The following LYPD6 variants were observed in gnomAD, a reference collection of about 807,000 sequenced individuals.
LYPD6 encodes ly6/PLAUR domain-containing protein 6.
In LYPD6, 15 loss-of-function variants were observed where a neutral mutation model predicts 22.7. The ratio of observed to expected loss-of-function variants is 0.66; its 90% CI spans 0.44 to 1.02. LYPD6 has a LOEUF of 1.02. LYPD6 is among the 50% of genes least tolerant of loss of function. LYPD6 has a pLI of 0.00. For missense variants in LYPD6, 189 were observed against 208.4 expected (o/e 0.91, Z 0.57); for synonymous variants, 72 against 77.5 (o/e 0.93, Z 0.37).
At chr2:149,466,663 T>C (rs1681207233) in intron 3 of LYPD6, among the ~76,000 whole-genome samples, 2 of 152,218 alleles carry the variant, frequency 1.3e-5, no homozygotes, top group Non-Finnish European at 2.9e-5. Flanking sequence ...AGTAGTCATA[T>C]CAAGTTCACC....
downstream of LYPD6, among the ~76,000 whole-genome samples, chr2:149,475,757 A>C (rs970958652): frequency 6.6e-6 from 1 of 152,226 alleles, no homozygotes; most frequent in African/African-American, 2.4e-5. Flanking sequence ...TGATTTTTCT[A>C]TATGACTTTA....
At chr2:149,410,759 C>A (rs1285949252) in intron 1 of LYPD6, among the ~76,000 whole-genome samples, 2 of 152,288 alleles carry the variant, frequency 1.3e-5, no homozygotes, top group African/African-American at 4.8e-5. Context: ...TTCAATAAAT[C>A]TGTATTATGA....
chr2:149,369,283 AG>A (rs1261772077), intron 1 of LYPD6, among the ~76,000 whole-genome samples: 2 of 152,190 alleles, frequency 1.3e-5, no homozygotes, highest in Admixed American at 1.3e-4. Flanking sequence ...TTCTGGAACT[AG>A]GACCCAAAAA....
chr2:149,397,034 A>G (rs563644537), intron 1 of LYPD6, among the ~76,000 whole-genome samples: 1 of 152,264 alleles, frequency 6.6e-6, no homozygotes, highest in Non-Finnish European at 1.5e-5. Context: ...AATGCTATGC[A>G]AACAGTTGTT....
chr2:149,333,739 G>A (rs1002633004), intron 1 of LYPD6, among the ~76,000 whole-genome samples: 4 of 152,128 alleles, frequency 2.6e-5, no homozygotes, highest in Non-Finnish European at 5.9e-5. Context: ...GCTTGGGATG[G>A]GACCTTACAC....
At chr2:149,350,803 C>T (rs1017903112) in intron 1 of LYPD6, among the ~76,000 whole-genome samples, 2 of 152,156 alleles carry the variant, frequency 1.3e-5, no homozygotes, top group Admixed American at 6.5e-5. Context: ...AGTGACTGCC[C>T]AGCCAAAGCT....
intron 1 of LYPD6, among the ~76,000 whole-genome samples, chr2:149,364,401 T>C (rs1022524973): frequency 2.0e-5 from 3 of 152,324 alleles, no homozygotes; most frequent in South Asian, 2.1e-4. Context: ...CCTGAATTCA[T>C]TGGCAAATTC....
At chr2:149,381,962 T>C (rs963365678) in intron 1 of LYPD6, among the ~76,000 whole-genome samples, 1 of 152,204 alleles carries the variant, frequency 6.6e-6, no homozygotes, top group Non-Finnish European at 1.5e-5. Flanking sequence ...TTTCCCCTTA[T>C]GTGTTTTATT....
intron 1 of LYPD6, among the ~76,000 whole-genome samples, chr2:149,377,630 G>A (rs550481473): frequency 5.2e-4 from 79 of 152,230 alleles, no homozygotes; most frequent in African/African-American, 1.8e-3. Context: ...AAATACAAAA[G>A]TTAGCCCGGT....
At chr2:149,432,711 T>C (rs1683343571) in intron 1 of LYPD6, among the ~76,000 whole-genome samples, 1 of 152,188 alleles carries the variant, frequency 6.6e-6, no homozygotes, top group African/African-American at 2.4e-5. Flanking sequence ...TATTTCCATC[T>C]CTCTTTTCCC....
At chr2:149,404,999 T>C (rs1682663227) in intron 1 of LYPD6, among the ~76,000 whole-genome samples, 1 of 152,196 alleles carries the variant, frequency 6.6e-6, no homozygotes, top group Non-Finnish European at 1.5e-5. Flanking sequence ...AATCATGTGG[T>C]TTTTGTCTTT....
chr2:149,454,273 C>A (rs1680902849), intron 3 of LYPD6, among the ~76,000 whole-genome samples: 1 of 152,166 alleles, frequency 6.6e-6, no homozygotes, highest in Admixed American at 6.5e-5. Flanking sequence ...AGCAATAGAA[C>A]CCCAGAGGCT....
intron 1 of LYPD6, among the ~76,000 whole-genome samples, chr2:149,385,169 T>C (rs1301901471): frequency 1.3e-5 from 2 of 152,160 alleles, no homozygotes; most frequent in Admixed American, 6.6e-5. Context: ...AGGAAAGTTA[T>C]GAAGCTCTAG....
chr2:149,397,999 G>GA (rs1049257439), intron 1 of LYPD6, among the ~76,000 whole-genome samples: 6 of 151,674 alleles, frequency 4.0e-5, no homozygotes, highest in East Asian at 1.9e-4. Flanking sequence ...ACTCCATTAA[G>GA]AAAAAAAACA....
intron 1 of LYPD6, among the ~76,000 whole-genome samples, chr2:149,419,559 A>G (rs1314959740): frequency 2.0e-5 from 3 of 152,188 alleles, no homozygotes; most frequent in Non-Finnish European, 4.4e-5. Flanking sequence ...ATTGACATAG[A>G]ACATTTCCGT....
chr2:149,393,427 G>T (rs1682358699), intron 1 of LYPD6, among the ~76,000 whole-genome samples: 1 of 152,286 alleles, frequency 6.6e-6, no homozygotes, highest in Non-Finnish European at 1.5e-5. Context: ...TGATAACAGG[G>T]TATTTTCTGC....
At chr2:149,384,318 C>T (rs1054428051) in intron 1 of LYPD6, among the ~76,000 whole-genome samples, 1 of 152,236 alleles carries the variant, frequency 6.6e-6, no homozygotes, top group Non-Finnish European at 1.5e-5. Flanking sequence ...ATTCTTATCA[C>T]AAACTCCTGG....
intron 1 of LYPD6, among the ~76,000 whole-genome samples, chr2:149,372,298 AGAC>A (rs1401912300): frequency 6.6e-6 from 1 of 152,180 alleles, no homozygotes; most frequent in East Asian, 1.9e-4. Flanking sequence ...TCCTCTCTTA[AGAC>A]TATAACCGTA....
intron 1 of LYPD6, among the ~76,000 whole-genome samples, chr2:149,414,874 C>T (rs888838000): frequency 6.6e-6 from 1 of 152,172 alleles, no homozygotes; most frequent in African/African-American, 2.4e-5. Context: ...GAATGGTGGA[C>T]ACCAGCTGGC....
Sources: allele counts gnomAD v4.1 joint callset (sites outside exome capture counted in the v4.1 genomes callset), GRCh38; gene constraint gnomAD v4.1.1; transcripts MANE v1.5; gene names NCBI Gene and HGNC (gene_info 2026-07-23, HGNC 2026-07-21).